Variants in CEP72 observed in about 807,000 individuals in gnomAD.
CEP72 encodes centrosomal protein of 72 kDa.
A neutral mutation model predicts 65.7 loss-of-function variants in CEP72; 78 were observed. That is an observed-to-expected ratio of 1.19 (90% confidence interval 0.99 to 1.43). CEP72 has a LOEUF of 1.43. Ranked by LOEUF, CEP72 falls within the 40% of genes most tolerant of loss-of-function variation. The pLI, the probability that CEP72 is intolerant of heterozygous loss-of-function variation, is 0.00. For synonymous variants in CEP72, 358 were observed against 351.7 expected, an observed-to-expected ratio of 1.02 and a Z score of -0.20; for missense variants, 914 against 832.9, an observed-to-expected ratio of 1.10 and a Z score of -1.20.
chr5:668,825 C>T (rs970609399), downstream of CEP72, among the ~76,000 whole-genome samples: 25 of 152,242 alleles, frequency 1.6e-4, no homozygotes, highest in Admixed American at 3.3e-4. Context: ...TGTGTGCGCA[C>T]GTGGACAGCA....
Position 653,051 on chromosome 5 carries a change from A to T in CEP72, c.1842A>T (p.Arg614Ser). The T allele has an allele frequency of 6.2e-7, 1 of 1,613,934 alleles. No individual in the cohort carries two copies. Residue 614 changes from arginine (R) to serine (S), a missense_variant, in exon 12 of 12, where the codon AGA (arginine) becomes AGT (serine). Transcript: ENST00000264935. ...QELSQVRAQHRAEVEQMHWSY... is the reference protein window; with the variant it reads ...QELSQVRAQHSAEVEQMHWSY... Reference sequence around the variant, plus strand: ...TGAGCCAGGTGCGGGCGCAGCACAGAGCCGAGGTGGAGCAGATGCACTGGA... The same window carrying T: ...TGAGCCAGGTGCGGGCGCAGCACAGTGCCGAGGTGGAGCAGATGCACTGGA...
intron 3 of CEP72, 57 bp downstream of exon 3, chr5:620,318 G>C: frequency 6.7e-7 from 1 of 1,484,478 alleles, no homozygotes; most frequent in East Asian, 2.3e-5. Flanking sequence ...ATGGGAGTCG[G>C]GGAGTCGTAG....
chr5:649,636 T>G (rs1324745552), intron 11 of CEP72, among the ~76,000 whole-genome samples: 2 of 44,582 alleles, frequency 4.5e-5, no homozygotes, highest in Non-Finnish European at 8.6e-5. Flanking sequence ...CTGTGAGGTG[T>G]GACTGTGAGG....
chr5:637,762 C>T lies in CEP72; in HGVS notation c.1150C>T (p.Pro384Ser). The change falls in exon 7 of 12, where the codon CCT becomes TCT. Residue 384 changes from proline to serine, a missense_variant. Physicochemically the swap from Pro to Ser is moderately conservative, Grantham distance 74. Coordinates refer to ENST00000264935, the MANE Select transcript of CEP72 (RefSeq NM_018140.4). The part of the protein sequence containing the change: ...ESRNGRTLSQ[P>S]EASETEEQRS... ...CAGGAACGGGAGGACCTTGTCTCAG[C>T]CTGAGGCCTCGGAGACTGAGGAGCA... 6.2e-7 allele frequency: 1 copy of T among 1,609,526 alleles called. No individual in the cohort carries two copies.
Position 620,050 on chromosome 5 carries a change from C to G in CEP72, c.211-19C>G, listed in dbSNP as rs76671641. On this transcript the variant is annotated intron_variant, in intron 2 of 11. Coordinates refer to ENST00000264935, the MANE Select transcript of CEP72 (RefSeq NM_018140.4). Reference sequence around the variant, plus strand: ...CTTGTTTAAAGTGTGAATGAATTCACTGTGTTTTCTGTTGACAGGGCATTC... The same window carrying G: ...CTTGTTTAAAGTGTGAATGAATTCAGTGTGTTTTCTGTTGACAGGGCATTC... 859 of 1,586,890 alleles carry G rather than the reference C, an allele frequency of 5.4e-4. 3 individuals carry two copies. The African/African-American group carries it at 0.01, about 19-fold the overall frequency.
rs150007171 is a variant in CEP72, at chr5:618,998, C to T, written c.91C>T (p.Gln31Ter). 9 of 1,608,026 alleles carry T rather than the reference C, an allele frequency of 5.6e-6. No individual in the cohort carries two copies. In the African/African-American group the frequency reaches 1.2e-4, roughly 21 times the overall value. ...AATTTTTCTATTCTTAGCTGAGCTT[C>T]AGTCATTGTCTATTCCTGGAACTTA... ...LGPHRDLAEL[Q>*]SLSIPGTYQE... The change falls in exon 2 of 12, where the codon CAG becomes TAG. Residue 31 changes from glutamine to a stop codon, truncating the protein, a stop_gained. Coordinates refer to ENST00000264935, the MANE Select transcript of CEP72 (RefSeq NM_018140.4). LOFTEE classifies it high-confidence loss of function.
In CEP72 at chr5:635,429, A is replaced by G; in HGVS notation, c.749A>G (p.Lys250Arg). ...LVQYQCGDSG[K>R]QGRETRRSSC... ...CAGTACCAGTGTGGGGACTCTGGGA[A>G]GCAGGGCCGTGAGACGAGGAGGAGC... Residue 250 changes from lysine to arginine, a missense_variant, in exon 6 of 12, where the codon AAG (lysine) becomes AGG (arginine). Transcript: ENST00000264935. 1 of 1,614,176 alleles carries G rather than the reference A, an allele frequency of 6.2e-7. No homozygotes were observed. Among genetic ancestry groups the G allele is most frequent in the Non-Finnish European group, 8.5e-7 (1 of 1,179,996 alleles).
rs748038975 is a variant in CEP72, at chr5:635,473, C to G, written c.793C>G (p.Leu265Val). The stretch of plus-strand genomic sequence containing the variant: ...GAGGAGCAGCTGCAGAGGGTGCTGT[C>G]TGGAGAAGATGCCTTGGAGCCAGCT... ...TRRSSCRGCC[L>V]EKMPWSQLCG... Residue 265 changes from leucine (L) to valine (V), a missense_variant, in exon 6 of 12, where the codon CTG becomes GTG. Physicochemically the swap from Leu to Val is conservative, Grantham distance 32. Coordinates refer to ENST00000264935, the MANE Select transcript of CEP72 (RefSeq NM_018140.4). 9 of 1,614,000 alleles carry G rather than the reference C, an allele frequency of 5.6e-6. No individual in the cohort carries two copies. The highest frequency in any genetic ancestry group is 1.3e-5 in the African/African-American group (1 of 74,934).
At chr5:643,614 C>T in intron 9 of CEP72, 2 of 985,372 alleles carry the variant, frequency 2.0e-6, no homozygotes, top group Non-Finnish European at 2.4e-6. Flanking sequence ...CTGGGGCCTG[C>T]TCAGCACCCC....
chr5:618,410 A>G (rs1420427776), intron 1 of CEP72, among the ~76,000 whole-genome samples: 1 of 90,506 alleles, frequency 1.1e-5, no homozygotes, highest in Non-Finnish European at 2.6e-5. Flanking sequence ...TTATTCCACA[A>G]TAGGACACAT....
At chr5:664,795 C>T (rs1206618457) in intron 2 of CEP72, 2 of 338,326 alleles carry the variant, frequency 5.9e-6, no homozygotes, top group South Asian at 4.6e-5. Context: ...TTAAAACGCC[C>T]CTTTGACCTG....
intron 4 of CEP72, among the ~76,000 whole-genome samples, chr5:628,753 AGTCCCCGGGGAGTGTTC>A (rs1736973710): frequency 2.2e-5 from 1 of 45,798 alleles, no homozygotes; most frequent in Non-Finnish European, 3.8e-5. Flanking sequence ...CTCAGGTTGC[AGTCCCCGGGGAGTGTTC>A]CCACGACCCA....
chr5:637,567 G>C lies in CEP72; in HGVS notation c.955G>C (p.Gly319Arg). 1 of 1,614,078 alleles carries C rather than the reference G, an allele frequency of 6.2e-7. No individual in the cohort carries two copies. The highest frequency in any genetic ancestry group is 2.2e-5 in the East Asian group (1 of 44,884). Reference sequence around the variant, plus strand: ...CTCTTCTCAGAAGTTGGATTTGTCAGGAGAAATGGTGCCTGGTCCCCTGCC... The same window carrying C: ...CTCTTCTCAGAAGTTGGATTTGTCACGAGAAATGGTGCCTGGTCCCCTGCC... The part of the protein sequence containing the change: ...SASSQKLDLS[G>R]EMVPGPLPAP... The change falls in exon 7 of 12, where the codon GGA becomes CGA. Residue 319 changes from glycine to arginine, a missense_variant. By Grantham distance (125) the Gly-to-Arg change is moderately radical. Transcript: ENST00000264935.
At chr5:672,171 C>G in the CEP72 span, among the ~76,000 whole-genome samples, 6 of 152,208 alleles carry the variant, frequency 3.9e-5, no homozygotes, top group Non-Finnish European at 2.9e-5. Context: ...TACCGGCCCT[C>G]CACACTTGGG....
chr5:673,459 T>C, the CEP72 span, among the ~76,000 whole-genome samples: 1 of 150,720 alleles, frequency 6.6e-6, no homozygotes, highest in East Asian at 2.0e-4. Flanking sequence ...TGCAGGTGAA[T>C]GGGGAGGGGG....
At chr5:642,338 A>G (rs1234249483) in intron 9 of CEP72, 3 of 984,172 alleles carry the variant, frequency 3.0e-6, no homozygotes, top group Non-Finnish European at 3.6e-6. Context: ...TCTGGATTTA[A>G]GCACACATGG....
intron 8 of CEP72, 145 bp from the exon 9 acceptor site, chr5:640,263 G>T: frequency 9.3e-7 from 1 of 1,073,430 alleles, no homozygotes. Context: ...AGGTGGTTTT[G>T]TGGCGCCAAC....
At chr5:632,764 C>A (rs554521805) in intron 4 of CEP72, among the ~76,000 whole-genome samples, 1 of 35,262 alleles carries the variant, frequency 2.8e-5, no homozygotes, top group Non-Finnish European at 5.5e-5. Context: ...CTATCCAGTG[C>A]CGGGATTTGA....
Position 649,715 on chromosome 5 carries a change from G to C in CEP72, c.1778+1799G>C, listed in dbSNP as rs1220867668. The stretch of plus-strand genomic sequence containing the variant: ...GGACTGTGAGGCGTGGACTGTGAGG[G>C]GTGACCGTGAGGCGTGGACTGTGAG... On this transcript the variant is annotated intron_variant, in intron 11 of 11. Transcript: ENST00000264935. 7.1e-5 allele frequency among the ~76,000 whole-genome samples: 3 copies of C among 42,430 alleles called. 1 individual carries two copies. Among genetic ancestry groups the C allele is most frequent in the African/African-American group, 1.2e-4 (1 of 8,514 alleles). The allele number at this position is 42,430 out of a possible 152,430, so 27.8% of individuals were successfully genotyped here. A position where few individuals can be genotyped will look rare whatever the true frequency, so the allele number is the denominator to read the frequency against.
Sources: allele counts gnomAD v4.1 joint callset (sites outside exome capture counted in the v4.1 genomes callset), GRCh38; gene constraint gnomAD v4.1.1; transcripts MANE v1.5; gene names NCBI Gene and HGNC (gene_info 2026-07-23, HGNC 2026-07-21).